TSHZ1: variants seen among roughly 807,000 people sequenced by gnomAD.
TSHZ1 encodes teashirt homolog 1.
TSHZ1 carries 12 observed loss-of-function variants against 67.1 expected under a neutral mutation model. The observed-to-expected ratio is 0.18, with a 90% CI of 0.11 to 0.29. The LOEUF (loss-of-function observed/expected upper bound fraction) is 0.29, where lower values mean the gene tolerates loss of function less well. Among genes scored for constraint, TSHZ1 ranks in the 10% least tolerant of loss-of-function variants. The pLI is 1.00. For synonymous variants in TSHZ1, 632 were observed against 622.4 expected (o/e 1.02, Z -0.23); for missense variants, 1,305 against 1,413.9 (o/e 0.92, Z 1.23).
chr18:75,250,424 C>T (rs564060192), intron 1 of TSHZ1, among the ~76,000 whole-genome samples: 2 of 152,354 alleles, frequency 1.3e-5, no homozygotes, highest in South Asian at 4.1e-4. Context: ...CGCTCTGTAG[C>T]TGGCAGGCGG....
intron 1 of TSHZ1, among the ~76,000 whole-genome samples, chr18:75,265,563 A>G (rs150110230): frequency 0.013 from 1,943 of 152,370 alleles, 16 homozygotes; most frequent in South Asian, 0.022. Flanking sequence ...TCTTTGCTGC[A>G]TAAAGTGTCA....
At chr18:75,235,199 G>A (rs2023051964) in intron 1 of TSHZ1, among the ~76,000 whole-genome samples, 2 of 152,170 alleles carry the variant, frequency 1.3e-5, no homozygotes, top group Admixed American at 1.3e-4. Context: ...AGGCGGGGAT[G>A]TAAATAAGAA....
At chr18:75,235,437 A>T (rs1038961897) in intron 1 of TSHZ1, among the ~76,000 whole-genome samples, 16 of 152,184 alleles carry the variant, frequency 1.1e-4, no homozygotes, top group African/African-American at 3.9e-4. Flanking sequence ...TTTCTCAACT[A>T]TAAATTGGGA....
At chr18:75,246,360 C>G (rs1360032719) in intron 1 of TSHZ1, among the ~76,000 whole-genome samples, 1 of 145,680 alleles carries the variant, frequency 6.9e-6, no homozygotes, top group Non-Finnish European at 1.5e-5. Context: ...CGATGGGGGC[C>G]TTGGTTCTCT....
chr18:75,258,755 C>G lies in TSHZ1; in HGVS notation c.41-26693C>G, dbSNP rs76743504. Among the ~76,000 whole-genome samples, 732 of 152,222 alleles carry G rather than the reference C, an allele frequency of 4.8e-3. 7 individuals are homozygous for G. Among genetic ancestry groups the G allele is most frequent in the African/African-American group, 0.017 (700 of 41,540 alleles). On this transcript the variant is annotated intron_variant, in intron 1 of 1. Transcript: ENST00000580243. ...TGGCCCTCAGTGAGAAAAATGCCATCCTAGAGTAGCCATCCAGGACTGCCC... is the reference window on the plus strand; with the variant it reads ...TGGCCCTCAGTGAGAAAAATGCCATGCTAGAGTAGCCATCCAGGACTGCCC...
intron 1 of TSHZ1, among the ~76,000 whole-genome samples, chr18:75,247,455 C>A (rs1467460537): frequency 6.6e-6 from 1 of 152,168 alleles, no homozygotes; most frequent in South Asian, 2.1e-4. Flanking sequence ...AATGTAATGG[C>A]CTTTATGACT....
intron 1 of TSHZ1, among the ~76,000 whole-genome samples, chr18:75,234,705 G>A (rs8092694): frequency 2.0e-4 from 31 of 151,940 alleles, no homozygotes; most frequent in Non-Finnish European, 3.8e-4. Context: ...CTGTGAGGTT[G>A]TGGATATTTC....
intron 1 of TSHZ1, among the ~76,000 whole-genome samples, chr18:75,222,203 T>A (rs1030399680): frequency 6.6e-6 from 1 of 151,448 alleles, no homozygotes; most frequent in African/African-American, 2.4e-5. Flanking sequence ...CGTTTTATTT[T>A]TGCAGTGGAA....
chr18:75,259,729 G>GA (rs1201846743), intron 1 of TSHZ1, among the ~76,000 whole-genome samples: 1 of 152,058 alleles, frequency 6.6e-6, no homozygotes, highest in East Asian at 1.9e-4. Context: ...ACGTATAGAA[G>GA]AAAAAACAGT....
rs183845925 is a variant in TSHZ1, at chr18:75,271,121, T to C, written c.41-14327T>C. 2.0e-3 allele frequency among the ~76,000 whole-genome samples: 303 copies of C among 152,314 alleles called. 3 individuals carry two copies. Among genetic ancestry groups the C allele is most frequent in the African/African-American group, 7.2e-3 (298 of 41,560 alleles). The stretch of plus-strand genomic sequence containing the variant: ...CTTGTGCATTCTCCAGGAATCCCAC[T>C]TATAGTCTGTGTCTAGAGACGTGGT... On this transcript the variant is annotated intron_variant, in intron 1 of 1. Transcript: ENST00000580243.
intron 1 of TSHZ1, among the ~76,000 whole-genome samples, chr18:75,249,348 T>C (rs1419420893): frequency 2.6e-5 from 4 of 151,694 alleles, no homozygotes; most frequent in African/African-American, 9.7e-5. Flanking sequence ...CTCACCCCTG[T>C]GGCGGGTGGG....
chr18:75,275,666 G>A (rs531950003), intron 1 of TSHZ1, among the ~76,000 whole-genome samples: 3 of 152,200 alleles, frequency 2.0e-5, no homozygotes, highest in Non-Finnish European at 4.4e-5. Flanking sequence ...TATTGGGTTT[G>A]TAGACCCGGA....
At chr18:75,238,454 A>G (rs1449753722) in intron 1 of TSHZ1, among the ~76,000 whole-genome samples, 2 of 152,154 alleles carry the variant, frequency 1.3e-5, no homozygotes, top group African/African-American at 4.8e-5. Context: ...TGATCTGGGA[A>G]AAGCGTCGAC....
At chr18:75,217,071 G>A (rs1005977868) in intron 1 of TSHZ1, among the ~76,000 whole-genome samples, 1 of 152,232 alleles carries the variant, frequency 6.6e-6, no homozygotes, top group East Asian at 1.9e-4. Flanking sequence ...TGGTGGTGGA[G>A]AGGCCTGGGC....
intron 1 of TSHZ1, among the ~76,000 whole-genome samples, chr18:75,263,110 A>G (rs1332011468): frequency 2.0e-5 from 3 of 152,198 alleles, no homozygotes; most frequent in African/African-American, 7.2e-5. Flanking sequence ...AGGAAGCTTC[A>G]TACTATTCAG....
intron 1 of TSHZ1, among the ~76,000 whole-genome samples, chr18:75,276,109 T>C (rs2023611096): frequency 1.3e-5 from 2 of 152,072 alleles, no homozygotes; most frequent in South Asian, 4.1e-4. Flanking sequence ...AGCAAGAGGG[T>C]CTTAAATTAG....
chr18:75,275,974 C>G (rs1439002339), intron 1 of TSHZ1, among the ~76,000 whole-genome samples: 1 of 152,176 alleles, frequency 6.6e-6, no homozygotes, highest in African/African-American at 2.4e-5. Flanking sequence ...TTCTTCCTGA[C>G]ACCACTGAAA....
intron 1 of TSHZ1, among the ~76,000 whole-genome samples, chr18:75,222,788 C>G (rs1266232691): frequency 1.3e-5 from 2 of 152,204 alleles, no homozygotes; most frequent in African/African-American, 4.8e-5. Flanking sequence ...ACGTGGTAAC[C>G]TAATCCCAAG....
chr18:75,279,840 G>A lies in TSHZ1; in HGVS notation c.41-5608G>A, dbSNP rs2023663538. On this transcript the variant is annotated intron_variant, in intron 1 of 1. Coordinates refer to ENST00000580243, the MANE Select transcript of TSHZ1 (RefSeq NM_001308210.2). ...AGTTCTCGGGATCTGACTGCTGGCT[G>A]TGGCTGTGGCTGGTAGACGTTCCGT... 4.6e-5 allele frequency among the ~76,000 whole-genome samples: 7 copies of A among 152,250 alleles called. No homozygotes were observed. In the South Asian group the frequency reaches 1.4e-3, roughly 31 times the overall value.
Sources: allele counts gnomAD v4.1 joint callset (sites outside exome capture counted in the v4.1 genomes callset), GRCh38; gene constraint gnomAD v4.1.1; transcripts MANE v1.5; gene names NCBI Gene and HGNC (gene_info 2026-07-23, HGNC 2026-07-21).